Variants in SEMA6C observed in about 807,000 individuals in gnomAD.
SEMA6C encodes semaphorin-6C.
A neutral mutation model predicts 72.9 loss-of-function variants in SEMA6C; 37 were observed. The observed-to-expected ratio is 0.51, with a 90% CI of 0.39 to 0.67. The LOEUF is 0.67. Among genes scored for constraint, SEMA6C ranks in the 30% least tolerant of loss-of-function variants. The probability of loss-of-function intolerance (pLI) is 0.00; values close to 1 mark genes in which losing one functional copy is unlikely to be tolerated. For synonymous variants in SEMA6C, 578 were observed against 554.1 expected (o/e 1.04, Z -0.61); for missense variants, 1,189 against 1,263.6 (o/e 0.94, Z 0.89).
intron 2 of SEMA6C, among the ~76,000 whole-genome samples, chr1:151,142,968 A>G (rs901631627): frequency 1.3e-5 from 2 of 152,168 alleles, no homozygotes; most frequent in African/African-American, 4.8e-5. Flanking sequence ...TGGGTCTGGG[A>G]CATTCAGTAG....
chr1:151,135,200 G>A lies in SEMA6C; in HGVS notation c.1543C>T (p.Pro515Ser). The A allele has an allele frequency of 1.9e-6, 3 of 1,614,136 alleles. No homozygotes were observed. The highest frequency in any genetic ancestry group is 2.5e-6 in the Non-Finnish European group (3 of 1,179,990). ...CCATGCCGGGCACACCGGCTGAGAG[G>A]GAGGTAGACAATACAGCCAGAAAAA... ...VAFSGCIVYL[P>S]LSRCARHGAC... is the part of the protein sequence containing the mutation. Residue 515 changes from proline (P) to serine (S), a missense_variant, in exon 15 of 19, where the codon CCT becomes TCT. By Grantham distance (74) the Pro-to-Ser change is moderately conservative (BLOSUM62 -1). This residue lies in a region of SEMA6C where 721 missense variants were observed against 686.2 expected (regional missense o/e 1.05). Coordinates refer to ENST00000368914, the MANE Select transcript of SEMA6C (RefSeq NM_030913.6).
chr1:151,135,251 T>G lies in SEMA6C; in HGVS notation c.1492A>C (p.Thr498Pro), dbSNP rs777209183. ...ARRIIGLELD[T>P]EGHRLFVAFS... is the part of the protein sequence containing the mutation. ...GCCACAAAAAGCCTGTGACCCTCAG[T>G]GTCCAGCTCCAGCCCTATGATCCGT... Residue 498 changes from threonine to proline, a missense_variant, in exon 15 of 19, where the codon ACT (threonine) becomes CCT (proline). Around this residue, in one of 2 missense-constraint regions of SEMA6C, gnomAD observed 721 missense variants for 686.2 expected, o/e 1.05. Coordinates refer to ENST00000368914, the MANE Select transcript of SEMA6C (RefSeq NM_030913.6). 13 of 1,614,228 alleles carry G rather than the reference T, an allele frequency of 8.1e-6. No homozygotes were observed. Among genetic ancestry groups the G allele is most frequent in the Non-Finnish European group, 1.1e-5 (13 of 1,180,024 alleles).
rs1189170363 is a variant in SEMA6C at position 151,132,525 on chromosome 1, AGGAGGGCCCGACGAGG to A, written c.2736_2751del (p.Leu913ProfsTer81). 1.3e-6 allele frequency: 2 copies of A among 1,550,184 alleles called. No individual in the cohort carries two copies. Among genetic ancestry groups the A allele is most frequent in the Admixed American group, 3.9e-5 (2 of 50,988 alleles). ...CCGCCGTTCGGGACGGCCTGGCGGG[AGGAGGGCCCGACGAGG>A]GGAGGCTTCAGGGACAACTGGGGCT... On this transcript the variant is annotated frameshift_variant, in exon 19 of 19. Coordinates refer to ENST00000368914, the MANE Select transcript of SEMA6C (RefSeq NM_030913.6). LOFTEE classifies it high-confidence loss of function.
At position 151,139,957 on chromosome 1, in the gene SEMA6C, T is replaced by C; in HGVS notation, c.233+19A>G. 6.2e-7 allele frequency: 1 copy of C among 1,609,234 alleles called. No individual in the cohort carries two copies. ...GGAGCATGCATGTCTGCCCCACAAC[T>C]GTGCCACGGCCAGTTTACCGGGCAG... On this transcript the variant is annotated intron_variant, in intron 4 of 18. Coordinates refer to ENST00000368914, the MANE Select transcript of SEMA6C (RefSeq NM_030913.6).
At position 151,132,831 on chromosome 1, in the gene SEMA6C, A is replaced by T. The variant is rs1681668385; in HGVS notation, c.2446T>A (p.Ser816Thr). Residue 816 changes from serine to threonine, a missense_variant, in exon 19 of 19, where the codon TCG becomes ACG. Physicochemically the swap from Ser to Thr is moderately conservative, Grantham distance 58. This residue lies in a region of SEMA6C where 721 missense variants were observed against 686.2 expected (regional missense o/e 1.05). Transcript: ENST00000368914. The stretch of plus-strand genomic sequence containing the variant: ...GGGGGCACGTCCAGCCTCAGCGGCG[A>T]GGCGCACTCGTGGGGCCTGGGGCTG... ...GPSPRPHECASPLRLDVPPEG... is the reference protein window; with the variant it reads ...GPSPRPHECATPLRLDVPPEG... The T allele has an allele frequency of 2.3e-6, 3 of 1,288,986 alleles. No homozygotes were observed. The highest frequency in any genetic ancestry group is 1.6e-5 in the African/African-American group (1 of 62,650). The allele number at this position is 1,288,986 out of a possible 1,614,324, so 79.8% of individuals were successfully genotyped here. A position where few individuals can be genotyped will look rare whatever the true frequency, so the allele number is the denominator to read the frequency against.
intron 3 of SEMA6C, among the ~76,000 whole-genome samples, chr1:151,141,838 A>T (rs928327525): frequency 6.7e-6 from 1 of 150,082 alleles, no homozygotes; most frequent in Non-Finnish European, 1.5e-5. Flanking sequence ...GCCATCACAG[A>T]GCACTACATC....
chr1:151,132,724 C>T lies in SEMA6C; in HGVS notation c.2553G>A (p.Arg851=), dbSNP rs962357535. The change falls in exon 19 of 19, where the codon AGG becomes AGA. Residue 851 remains arginine, a synonymous_variant. Transcript: ENST00000368914. ...APRLGVGGGR[R]LPFSGHRAPP... ...GGGCCCGGTGGCCGGAGAAAGGCAACCTCCGGCCTCCGCCGACGCCCAGCC... is the reference window on the plus strand; with the variant it reads ...GGGCCCGGTGGCCGGAGAAAGGCAATCTCCGGCCTCCGCCGACGCCCAGCC... The T allele has an allele frequency of 2.7e-6, 4 of 1,471,470 alleles. No individual in the cohort carries two copies. The highest frequency in any genetic ancestry group is 2.6e-5 in the East Asian group (1 of 39,196). 91.2% of individuals were successfully genotyped at this position (1,471,470 alleles called of 1,614,324 possible).
chr1:151,140,755 G>C (rs587767274), intron 3 of SEMA6C, among the ~76,000 whole-genome samples: 4 of 152,338 alleles, frequency 2.6e-5, no homozygotes, highest in East Asian at 3.9e-4. Flanking sequence ...AGCACTTTGG[G>C]AGGCCGAGGC....
chr1:151,139,417 C>T lies in SEMA6C; in HGVS notation c.354+8G>A. ...TCCTTCCCTCCACATTCTCGTCTCA[C>T]TCCTTACCGTCAGCTTTCCCCGTAC... On this transcript the variant is annotated splice_region_variant and intron_variant, in intron 6 of 18. Coordinates refer to ENST00000368914, the MANE Select transcript of SEMA6C (RefSeq NM_030913.6). 1.9e-6 allele frequency: 3 copies of T among 1,612,992 alleles called. No homozygotes were observed. The highest frequency in any genetic ancestry group is 2.5e-6 in the Non-Finnish European group (3 of 1,178,914).
Position 151,133,294 on chromosome 1 carries a change from GC to G in SEMA6C, c.1982del (p.Gly661AlafsTer90). 1.9e-6 allele frequency: 3 copies of G among 1,578,736 alleles called. No individual in the cohort carries two copies. Among genetic ancestry groups the G allele is most frequent in the South Asian group, 1.1e-5 (1 of 88,254 alleles). ...CCTTGGAGGGCGGCGGGGGCTCTGGGCCCCCACCGTGGAGCCGGGCCAAACT... is the reference window on the plus strand; with the variant it reads ...CCTTGGAGGGCGGCGGGGGCTCTGGGCCCCACCGTGGAGCCGGGCCAAACT... ...LRSLARLHGG[G>X]PEPPPPSKDG... On this transcript the variant is annotated frameshift_variant, in exon 19 of 19. Coordinates refer to ENST00000368914, the MANE Select transcript of SEMA6C (RefSeq NM_030913.6). LOFTEE classifies it low-confidence loss of function (END_TRUNC). The surrounding 1 kb of genome is among the most constrained non-coding windows in gnomAD (Gnocchi z 5.9).
Position 151,137,092 on chromosome 1 carries a change from A to G in SEMA6C, c.757-18T>C. The G allele has an allele frequency of 6.2e-7, 1 of 1,609,112 alleles. No homozygotes were observed. The highest frequency in any genetic ancestry group is 1.1e-5 in the South Asian group (1 of 90,858). ...AACTGCACCTAGGGGAGGAGAGTGGAGTAGACAATGGTGAGACAGACCCAC... is the reference window on the plus strand; with the variant it reads ...AACTGCACCTAGGGGAGGAGAGTGGGGTAGACAATGGTGAGACAGACCCAC... On this transcript the variant is annotated intron_variant, in intron 10 of 18. Transcript: ENST00000368914.
At position 151,133,668 on chromosome 1, in the gene SEMA6C, T is replaced by G; in HGVS notation, c.1760-151A>C. 1 of 1,308,792 alleles carries G rather than the reference T, an allele frequency of 7.6e-7. No homozygotes were observed. The highest frequency in any genetic ancestry group is 1.0e-6 in the Non-Finnish European group (1 of 980,376). The allele number at this position is 1,308,792 out of a possible 1,614,324, so 81.1% of individuals were successfully genotyped here. ...CCTACAGCCTCCACCATCCTCAGGA[T>G]TCACCTCTCCTGACTCCTCAGCATA... On this transcript the variant is annotated intron_variant, in intron 18 of 18. Transcript: ENST00000368914. The surrounding 1 kb of genome is among the most constrained non-coding windows in gnomAD (Gnocchi z 5.9).
At chr1:151,135,570 C>T (rs1486699085) in intron 14 of SEMA6C, 21 bp downstream of exon 14, 3 of 1,600,760 alleles carry the variant, frequency 1.9e-6, no homozygotes, top group Non-Finnish European at 2.6e-6. Flanking sequence ...TTGCAGGGGG[C>T]CTGCCCTCCA....
At chr1:151,140,811 G>A (rs981406235) in intron 3 of SEMA6C, among the ~76,000 whole-genome samples, 10 of 152,168 alleles carry the variant, frequency 6.6e-5, no homozygotes, top group Non-Finnish European at 1.3e-4. Context: ...TGGCTAACAT[G>A]GTGAAACCCC....
At position 151,136,966 on chromosome 1, in the gene SEMA6C, C is replaced by T; in HGVS notation, c.865G>A (p.Val289Ile). The T allele has an allele frequency of 6.2e-7, 1 of 1,614,158 alleles. No individual in the cohort carries two copies. Among genetic ancestry groups the T allele is most frequent in the Non-Finnish European group, 8.5e-7 (1 of 1,180,030 alleles). ...AAATAGAAAGTAGAGTCCCCAGGGA[C>T]AGAGCAGTTGAGCCGAAGCTTCAGG... ...SFLKLRLNCS[V>I]PGDSTFYFDV... Residue 289 changes from valine (V) to isoleucine (I), a missense_variant, in exon 11 of 19, where the codon GTC (valine) becomes ATC (isoleucine). By Grantham distance (29) the Val-to-Ile change is conservative. Around this residue, in one of 2 missense-constraint regions of SEMA6C, gnomAD observed 468 missense variants for 577.4 expected, o/e 0.81. Transcript: ENST00000368914.
chr1:151,133,049 C>T lies in SEMA6C; in HGVS notation c.2228G>A (p.Gly743Glu). 7.1e-7 allele frequency: 1 copy of T among 1,414,290 alleles called. No individual in the cohort carries two copies. 87.6% of individuals were successfully genotyped at this position (1,414,290 alleles called of 1,614,324 possible). A position where few individuals can be genotyped will look rare whatever the true frequency, so the allele number is the denominator to read the frequency against. Residue 743 changes from glycine to glutamate, a missense_variant, in exon 19 of 19, where the codon GGG becomes GAG. By Grantham distance (98) the Gly-to-Glu change is moderately conservative (BLOSUM62 -2). Coordinates refer to ENST00000368914, the MANE Select transcript of SEMA6C (RefSeq NM_030913.6). The surrounding 1 kb of genome is among the most constrained non-coding windows in gnomAD (Gnocchi z 5.9). ...CCTCACCAGCACGCGGGGCGCGGGCCCGCCCGCCGCGTGCCCGCCCCGTGA... is the reference window on the plus strand; with the variant it reads ...CCTCACCAGCACGCGGGGCGCGGGCTCGCCCGCCGCGTGCCCGCCCCGTGA... ...GRSRGGHAAG[G>E]PAPRVLVRPP...
chr1:151,140,998 G>GA (rs11409006), intron 3 of SEMA6C, among the ~76,000 whole-genome samples: 116,598 of 147,330 alleles, frequency 0.79, 46,027 homozygotes, highest in East Asian at 0.91. Context: ...ACTCCGTCTC[G>GA]AAAAAAAAAA....
intron 12 of SEMA6C, 78 bp from the exon 13 acceptor site, chr1:151,136,241 C>T: frequency 6.4e-7 from 1 of 1,571,368 alleles, no homozygotes; most frequent in Non-Finnish European, 8.7e-7. Flanking sequence ...CTACTGCTCC[C>T]AAACCTGACT....
intron 3 of SEMA6C, among the ~76,000 whole-genome samples, chr1:151,140,822 A>G (rs189601841): frequency 0.021 from 3,245 of 152,230 alleles, 45 homozygotes; most frequent in Middle Eastern, 0.041. Context: ...GTGAAACCCC[A>G]TCTCTACTAA....
Sources: gnomAD v4.1 joint callset for allele counts (sites outside exome capture counted in the v4.1 genomes callset) on GRCh38, gnomAD v4.1.1 for gene constraint, gnomAD v4.1.1 regional missense constraint, Gnocchi (gnomAD v3.1) non-coding constraint, MANE v1.5 for transcripts, NCBI Gene and HGNC (gene_info 2026-07-23, HGNC 2026-07-21) for gene names.